Variants in KCNN2 observed in about 807,000 individuals in gnomAD.
KCNN2 encodes potassium calcium-activated channel subfamily N member 2.
Under a neutral mutation model 55.5 loss-of-function variants are expected in KCNN2, and 24 were observed. The ratio of observed to expected loss-of-function variants is 0.43; its 90% CI spans 0.31 to 0.61. The LOEUF is 0.61. Ranked by LOEUF, KCNN2 falls within the 20% of genes least tolerant of loss-of-function variation. The pLI is 0.08. For synonymous variants in KCNN2, 431 were observed against 336.1 expected (o/e 1.28, Z -3.09); for missense variants, 754 against 853.6 (o/e 0.88, Z 1.45).
At chr5:114,160,684 G>C (rs1181431520) in intron 1 of KCNN2, among the ~76,000 whole-genome samples, 2 of 152,270 alleles carry the variant, frequency 1.3e-5, no homozygotes, top group East Asian at 3.9e-4. Flanking sequence ...GAATCTGGGT[G>C]CTCCTGTATT....
At chr5:114,343,305 TGA>T (rs773849906) in intron 2 of KCNN2, among the ~76,000 whole-genome samples, 21 of 152,254 alleles carry the variant, frequency 1.4e-4, no homozygotes, top group Non-Finnish European at 2.5e-4. Flanking sequence ...GGATGCTTGG[TGA>T]GAGAGTGCTA....
chr5:114,068,236 C>G (rs772000978), intron 1 of KCNN2, among the ~76,000 whole-genome samples: 1 of 152,142 alleles, frequency 6.6e-6, no homozygotes, highest in African/African-American at 2.4e-5. Context: ...GGTCAATAGT[C>G]CTTGGAACAT....
chr5:114,116,165 C>A (rs1000856726), intron 1 of KCNN2, among the ~76,000 whole-genome samples: 1 of 151,926 alleles, frequency 6.6e-6, no homozygotes, highest in Non-Finnish European at 1.5e-5. Context: ...GAAAGTGAGA[C>A]CTCCCCAAGT....
chr5:114,169,411 G>C (rs569750823), intron 1 of KCNN2, among the ~76,000 whole-genome samples: 1 of 152,194 alleles, frequency 6.6e-6, no homozygotes, highest in Non-Finnish European at 1.5e-5. Flanking sequence ...GAGTGGGAGA[G>C]AGTGGTACAG....
chr5:114,098,217 A>G lies in KCNN2; in HGVS notation c.-271+41717A>G, dbSNP rs1751302117. Among the ~76,000 whole-genome samples, 3 of 152,028 alleles carry G rather than the reference A, an allele frequency of 2.0e-5. No individual in the cohort carries two copies. In the South Asian group the frequency reaches 6.2e-4, roughly 32 times the overall value. On this transcript the variant is annotated intron_variant, in intron 1 of 10. Coordinates refer to the KCNN2 transcript ENST00000512097. ...TTTGATCTACCTGGATAATCTCTCCATCTCAAGGTTCTTCACTTAATCATA... is the reference window on the plus strand; with the variant it reads ...TTTGATCTACCTGGATAATCTCTCCGTCTCAAGGTTCTTCACTTAATCATA...
At chr5:114,056,212 C>A (rs578097864) in exon 1 of KCNN2, 1 of 395,268 alleles carries the variant, frequency 2.5e-6, no homozygotes, top group South Asian at 1.4e-4. Flanking sequence ...CGCCCGCGCC[C>A]GCGCCCCGGA....
At position 114,068,803 on chromosome 5, in the gene KCNN2, T is replaced by C. The variant is rs111836011; in HGVS notation, c.-271+12303T>C. 4.3e-3 allele frequency among the ~76,000 whole-genome samples: 647 copies of C among 151,880 alleles called. 10 individuals carry two copies. The highest frequency in any genetic ancestry group is 0.015 in the African/African-American group (617 of 41,408). On this transcript the variant is annotated intron_variant, in intron 1 of 10. Transcript: ENST00000512097. ...TGCTTTTCTCTTTTCTCTCTTTTCC[T>C]TTCTTTTTCTTTTTCTTTTTCTTTT... is the stretch of plus-strand genomic sequence containing the variant.
At chr5:114,344,820 G>A (rs1015469856) in intron 2 of KCNN2, among the ~76,000 whole-genome samples, 4 of 152,184 alleles carry the variant, frequency 2.6e-5, no homozygotes, top group Admixed American at 2.0e-4. Context: ...ATTATAAACT[G>A]CCACGGAAAA....
chr5:114,111,930 A>G lies in KCNN2; in HGVS notation c.-271+55430A>G, dbSNP rs566903207. 7.2e-5 allele frequency among the ~76,000 whole-genome samples: 11 copies of G among 152,242 alleles called. No individual in the cohort carries two copies. The East Asian group carries it at 1.4e-3, about 19-fold the overall frequency. On this transcript the variant is annotated intron_variant, in intron 1 of 10. Coordinates refer to the KCNN2 transcript ENST00000512097. ...TGGAAGACAGTGTGGTGATTCCTCA[A>G]GGATCTAGAACTCGAAATACCATTT... is the stretch of plus-strand genomic sequence containing the variant.
At chr5:114,125,720 A>C (rs570393754) in intron 1 of KCNN2, among the ~76,000 whole-genome samples, 1 of 152,220 alleles carries the variant, frequency 6.6e-6, no homozygotes, top group East Asian at 1.9e-4. Flanking sequence ...GTGTGAGATC[A>C]ATGATTGGTT....
chr5:114,228,402 T>A (rs1455460541), intron 2 of KCNN2, among the ~76,000 whole-genome samples: 2 of 152,096 alleles, frequency 1.3e-5, no homozygotes, highest in African/African-American at 2.4e-5. Context: ...CAACTGCATT[T>A]CAAATTTAAA....
chr5:114,348,029 C>T lies in KCNN2; in HGVS notation c.-184-12916C>T, dbSNP rs537990750. 8.5e-5 allele frequency among the ~76,000 whole-genome samples: 13 copies of T among 152,270 alleles called. No individual in the cohort carries two copies. In the South Asian group the frequency reaches 2.5e-3, roughly 29 times the overall value. ...CACAGTGCCTGCCCATGTATGTCTT[C>T]TTGACCACTGAGTCCTTTAAGATGT... is the stretch of plus-strand genomic sequence containing the variant. On this transcript the variant is annotated intron_variant, in intron 2 of 10. Coordinates refer to the KCNN2 transcript ENST00000512097.
chr5:114,368,395 A>G (rs373344118), intron 2 of KCNN2, among the ~76,000 whole-genome samples: 55 of 152,312 alleles, frequency 3.6e-4, no homozygotes, highest in African/African-American at 1.3e-3. Context: ...TCGGAAGAAC[A>G]GTAATGAAAA....
chr5:114,365,608 G>A (rs1306650825), intron 2 of KCNN2, among the ~76,000 whole-genome samples: 1 of 152,138 alleles, frequency 6.6e-6, no homozygotes, highest in Non-Finnish European at 1.5e-5. Flanking sequence ...CCCTATCCTA[G>A]CTTCCAGGCC....
chr5:114,221,398 G>C (rs1488418658), intron 1 of KCNN2, among the ~76,000 whole-genome samples: 1 of 152,124 alleles, frequency 6.6e-6, no homozygotes, highest in Non-Finnish European at 1.5e-5. Flanking sequence ...CTCAACCTCA[G>C]ATTATACAAT....
chr5:114,249,951 T>C (rs928400871), intron 2 of KCNN2, among the ~76,000 whole-genome samples: 17 of 152,166 alleles, frequency 1.1e-4, no homozygotes, highest in African/African-American at 3.9e-4. Context: ...CAACATATGA[T>C]ACGTATAACA....
chr5:114,163,841 A>G (rs1196863749), intron 1 of KCNN2, among the ~76,000 whole-genome samples: 1 of 152,230 alleles, frequency 6.6e-6, no homozygotes, highest in East Asian at 1.9e-4. Context: ...TAGCCAGTAA[A>G]TGGTTGCTAT....
intron 2 of KCNN2, among the ~76,000 whole-genome samples, chr5:114,338,969 G>A (rs908070921): frequency 3.9e-5 from 6 of 152,162 alleles, no homozygotes; most frequent in African/African-American, 1.2e-4. Flanking sequence ...AATCAAGGAG[G>A]GTCTCTTTGA....
At chr5:114,100,448 A>T (rs1035238005) in intron 1 of KCNN2, among the ~76,000 whole-genome samples, 4 of 152,144 alleles carry the variant, frequency 2.6e-5, no homozygotes, top group Non-Finnish European at 5.9e-5. Context: ...GGATTAATCA[A>T]GGAACTAAGT....
Sources: allele counts gnomAD v4.1 joint callset (sites outside exome capture counted in the v4.1 genomes callset), GRCh38; gene constraint gnomAD v4.1.1; transcripts MANE v1.5; gene names NCBI Gene and HGNC (gene_info 2026-07-23, HGNC 2026-07-21).